OTOG: variants seen among roughly 807,000 people sequenced by gnomAD.
OTOG encodes otogelin.
A neutral mutation model predicts 313.8 loss-of-function variants in OTOG; 296 were observed. That is an observed-to-expected ratio of 0.94 (90% CI 0.86 to 1.04). The LOEUF is 1.04. Among genes scored for constraint, OTOG ranks in the 50% least tolerant of loss-of-function variants. The pLI, the probability that OTOG is intolerant of heterozygous loss-of-function variation, is 0.00. For synonymous variants in OTOG, 1,533 were observed against 1,554.9 expected (o/e 0.99, Z 0.33); for missense variants, 3,948 against 3,840.1 (o/e 1.03, Z -0.74).
intron 28 of OTOG, among the ~76,000 whole-genome samples, chr11:17,595,749 C>A (rs1853081442): frequency 6.6e-6 from 1 of 152,202 alleles, no homozygotes; most frequent in Non-Finnish European, 1.5e-5. Context: ...TGGCTGCTTG[C>A]TTCCTCACAG....
intron 10 of OTOG, 79 bp from the exon 11 acceptor site, chr11:17,558,973 T>A (rs1852116531): frequency 1.7e-6 from 2 of 1,146,912 alleles, no homozygotes; most frequent in Non-Finnish European, 1.3e-6. Context: ...CCTGAAGCCC[T>A]GGCAGTGTCT....
chr11:17,621,595 G>GCTCT (rs149883551), intron 39 of OTOG, among the ~76,000 whole-genome samples: 32 of 148,798 alleles, frequency 2.2e-4, no homozygotes, highest in African/African-American at 7.9e-4. Context: ...AAGCTTCAGA[G>GCTCT]CTCTCTCTCT....
intron 54 of OTOG, among the ~76,000 whole-genome samples, 169 bp from the exon 55 acceptor site, chr11:17,645,395 G>A (rs1848053020): frequency 6.6e-6 from 1 of 152,190 alleles, no homozygotes; most frequent in Non-Finnish European, 1.5e-5. Context: ...TCCTTCCAGG[G>A]CATTGGGTTA....
intron 47 of OTOG, among the ~76,000 whole-genome samples, chr11:17,636,582 C>T (rs1854271870): frequency 6.6e-6 from 1 of 152,196 alleles, no homozygotes. Context: ...CCCAGATGAC[C>T]TGGCCGCACC....
chr11:17,598,506 GC>G (rs1853166952), intron 30 of OTOG, among the ~76,000 whole-genome samples: 1 of 152,146 alleles, frequency 6.6e-6, no homozygotes, highest in Non-Finnish European at 1.5e-5. Context: ...ATTTTTGGTA[GC>G]CCCTTAAATT....
chr11:17,567,224 G>A (rs1452629537), intron 15 of OTOG, among the ~76,000 whole-genome samples: 2 of 152,224 alleles, frequency 1.3e-5, no homozygotes, highest in South Asian at 2.1e-4. Flanking sequence ...GGGGACTAGA[G>A]GATGAGTGGG....
At position 17,590,293 on chromosome 11, in the gene OTOG, G is replaced by A. The variant is rs75755260; in HGVS notation, c.2868-1157G>A. Among the ~76,000 whole-genome samples the A allele has an allele frequency of 8.0e-3, 1,211 of 152,222 alleles. 16 individuals carry two copies. Among genetic ancestry groups the A allele is most frequent in the Non-Finnish European group, 9.6e-3 (655 of 68,008 alleles). ...CCCCCTCAAACTTGCTTCTCCCTCA[G>A]CCTTCCCCATCTGAGTTGATGAAGA... On this transcript the variant is annotated intron_variant, in intron 24 of 55. Transcript: ENST00000399397.
chr11:17,631,251 T>C (rs11607120), intron 40 of OTOG, among the ~76,000 whole-genome samples: 5,588 of 150,836 alleles, frequency 0.037, 117 homozygotes, highest in South Asian at 0.089. Flanking sequence ...GGGTAGCTTT[T>C]TATTTTGGTG....
At chr11:17,585,066 T>C (rs895535609) in intron 23 of OTOG, among the ~76,000 whole-genome samples, 1 of 152,214 alleles carries the variant, frequency 6.6e-6, no homozygotes, top group African/African-American at 2.4e-5. Flanking sequence ...TTGGGAAGTA[T>C]GATTTCCTTT....
Position 17,591,469 on chromosome 11 carries a change from T to C in OTOG, c.2887T>C (p.Phe963Leu), listed in dbSNP as rs1450143387. ...CHTCVCQRGS[F>L]QCTLHPCAST... Reference sequence around the variant, plus strand: ...TTTCAGTGTGTGCCAGCGGGGCTCATTCCAGTGCACCCTGCACCCTTGCGC... The same window carrying C: ...TTTCAGTGTGTGCCAGCGGGGCTCACTCCAGTGCACCCTGCACCCTTGCGC... Residue 963 changes from phenylalanine to leucine, a missense_variant, in exon 25 of 56, where the codon TTC becomes CTC. Physicochemically the swap from Phe to Leu is conservative, Grantham distance 22 (BLOSUM62 0). Transcript: ENST00000399397. 1.3e-6 allele frequency: 2 copies of C among 1,550,736 alleles called. No individual in the cohort carries two copies. The highest frequency in any genetic ancestry group is 2.0e-5 in the Admixed American group (1 of 51,008).
rs1362544675 is a variant in OTOG, at chr11:17,610,518, C to G, written c.5218C>G (p.Pro1740Ala). 11 of 1,550,642 alleles carry G rather than the reference C, an allele frequency of 7.1e-6. No individual in the cohort carries two copies. Among genetic ancestry groups the G allele is most frequent in the Non-Finnish European group, 9.6e-6 (11 of 1,146,968 alleles). ...CCAGCCCATGGGCTCGCCTGCCTCC[C>G]CACAGCCACACCCACTCCCCTCTGC... ...HSQPMGSPAS[P>A]QPHPLPSAPP... Residue 1740 changes from proline to alanine, a missense_variant, in exon 36 of 56, where the codon CCA becomes GCA. Transcript: ENST00000399397.
chr11:17,558,404 G>T (rs141443915), intron 9 of OTOG, 89 bp downstream of exon 9: 1 of 1,521,860 alleles, frequency 6.6e-7, no homozygotes, highest in Non-Finnish European at 8.9e-7. Flanking sequence ...ACCCCAGAAT[G>T]TCTGGTGCCC....
chr11:17,573,433 C>T (rs1852450448), intron 19 of OTOG, 143 bp downstream of exon 19: 1 of 880,996 alleles, frequency 1.1e-6, no homozygotes, highest in Non-Finnish European at 1.7e-6. Flanking sequence ...TCCTCCTGCA[C>T]CCTCCATCTC....
Position 17,631,730 on chromosome 11 carries a change from C to T in OTOG, c.6741C>T (p.Asp2247=), listed in dbSNP as rs1375854831. The change falls in exon 41 of 56, where the codon GAC becomes GAT. Residue 2247 remains aspartate (D), a synonymous_variant. Coordinates refer to ENST00000399397, the MANE Select transcript of OTOG (RefSeq NM_001292063.2). ...CGICDGDAAN[D]LTLKDGSVVG... The stretch of plus-strand genomic sequence containing the variant: ...TCTGTGATGGAGATGCAGCCAATGA[C>T]CTTACCCTGAAGGATGGCTCAGTGG... 8 of 1,550,598 alleles carry T rather than the reference C, an allele frequency of 5.2e-6. No homozygotes were observed. In the Admixed American group the frequency reaches 1.4e-4, roughly 27 times the overall value.
intron 28 of OTOG, 135 bp downstream of exon 28, chr11:17,594,301 C>A: frequency 8.6e-7 from 1 of 1,162,936 alleles, no homozygotes; most frequent in Non-Finnish European, 1.2e-6. Flanking sequence ...CCTCTGACTG[C>A]ATCCCTAGCC....
At chr11:17,639,263 G>A (rs1847917923) in intron 48 of OTOG, among the ~76,000 whole-genome samples, 160 bp from the exon 49 acceptor site, 1 of 152,164 alleles carries the variant, frequency 6.6e-6, no homozygotes, top group African/African-American at 2.4e-5. Flanking sequence ...GGGATGGAAG[G>A]AGGCTGAGAT....
At chr11:17,620,459 G>T (rs1428851367) in intron 39 of OTOG, among the ~76,000 whole-genome samples, 1 of 152,110 alleles carries the variant, frequency 6.6e-6, no homozygotes, top group Non-Finnish European at 1.5e-5. Context: ...TCCATTGTAT[G>T]TATATACCAC....
chr11:17,641,115 T>C (rs376544885), intron 51 of OTOG, 24 bp downstream of exon 51: 3 of 65,860 alleles, frequency 4.6e-5, no homozygotes, highest in African/African-American at 5.2e-4. Flanking sequence ...CAGGGCGGGG[T>C]GGGTGGGGTT....
chr11:17,635,653 G>C lies in OTOG; in HGVS notation c.7737G>C (p.Gly2579=). The change falls in exon 47 of 56, where the codon GGG becomes GGC. Residue 2579 remains glycine, a synonymous_variant. Coordinates refer to ENST00000399397, the MANE Select transcript of OTOG (RefSeq NM_001292063.2). ...ACTCCATCCCCGAATGTCAAGAAGG[G>C]GAGGCGCTCACTGTGCACAGGAATA... ...CPDSIPECQE[G]EALTVHRNTT... 1 of 1,550,574 alleles carries C rather than the reference G, an allele frequency of 6.4e-7. No homozygotes were observed. Among genetic ancestry groups the C allele is most frequent in the Non-Finnish European group, 8.7e-7 (1 of 1,146,972 alleles).
Sources: allele counts gnomAD v4.1 joint callset (sites outside exome capture counted in the v4.1 genomes callset), GRCh38; gene constraint gnomAD v4.1.1; transcripts MANE v1.5; gene names NCBI Gene and HGNC (gene_info 2026-07-23, HGNC 2026-07-21).